CYP7B1: variants seen among roughly 807,000 people sequenced by gnomAD.
The protein encoded by CYP7B1 is cytochrome P450 family 7 subfamily B member 1.
A neutral mutation model predicts 42.7 loss-of-function variants in CYP7B1; 29 were observed. The ratio of observed to expected loss-of-function variants is 0.68; its 90% CI spans 0.51 to 0.93. The LOEUF is 0.93. CYP7B1 is among the 40% of genes least tolerant of loss of function. The pLI, the probability that CYP7B1 is intolerant of heterozygous loss-of-function variation, is 0.00. For missense variants in CYP7B1, 655 were observed against 600.5 expected, an observed-to-expected ratio of 1.09 and a Z score of -0.95; for synonymous variants, 235 against 218.2, an observed-to-expected ratio of 1.08 and a Z score of -0.68.
At chr8:64,693,944 C>A (rs1342428460) in intron 1 of CYP7B1, among the ~76,000 whole-genome samples, 1 of 152,178 alleles carries the variant, frequency 6.6e-6, no homozygotes, top group Non-Finnish European at 1.5e-5. Flanking sequence ...TAAGTAGTGA[C>A]AAGATGATAA....
chr8:64,649,291 T>C (rs937768379), intron 1 of CYP7B1, among the ~76,000 whole-genome samples: 2 of 152,246 alleles, frequency 1.3e-5, no homozygotes, highest in African/African-American at 4.8e-5. Flanking sequence ...ATACATCATA[T>C]GTGTGAAATT....
At chr8:64,770,244 C>A (rs1022051969) in intron 1 of CYP7B1, among the ~76,000 whole-genome samples, 15 of 150,886 alleles carry the variant, frequency 9.9e-5, no homozygotes, top group African/African-American at 3.4e-4. Context: ...CTCTAAATCT[C>A]AAAAAAAAAT....
intron 1 of CYP7B1, among the ~76,000 whole-genome samples, chr8:64,723,880 C>A (rs1807281508): frequency 6.6e-6 from 1 of 152,040 alleles, no homozygotes; most frequent in South Asian, 2.1e-4. Flanking sequence ...TTAAAAGAGT[C>A]TGTTAAAGCT....
chr8:64,677,033 AT>A (rs1806456633), intron 1 of CYP7B1, among the ~76,000 whole-genome samples: 1 of 152,162 alleles, frequency 6.6e-6, no homozygotes, highest in African/African-American at 2.4e-5. Flanking sequence ...GCAACACATT[AT>A]GATGCTAAAA....
chr8:64,660,772 G>A (rs763241951), intron 1 of CYP7B1, among the ~76,000 whole-genome samples: 2 of 152,166 alleles, frequency 1.3e-5, no homozygotes, highest in African/African-American at 2.4e-5. Context: ...TGACTACCAG[G>A]ATAGCCTCAC....
At chr8:64,789,252 T>C (rs1804578967) in intron 1 of CYP7B1, among the ~76,000 whole-genome samples, 1 of 152,176 alleles carries the variant, frequency 6.6e-6, no homozygotes. Context: ...TTTTTAAGCC[T>C]AAACTGCTCT....
At chr8:64,765,596 T>G (rs1283874237) in intron 1 of CYP7B1, among the ~76,000 whole-genome samples, 2 of 152,056 alleles carry the variant, frequency 1.3e-5, no homozygotes, top group Non-Finnish European at 2.9e-5. Flanking sequence ...AGAAAAGGGG[T>G]GCAGGACTGC....
intron 1 of CYP7B1, among the ~76,000 whole-genome samples, chr8:64,736,093 A>G (rs2129633179): frequency 6.6e-6 from 1 of 152,320 alleles, no homozygotes; most frequent in East Asian, 1.9e-4. Flanking sequence ...CTAGAAAAAT[A>G]AATTAATTTA....
chr8:64,596,692 T>C lies in CYP7B1; in HGVS notation c.1471A>G (p.Ile491Val), dbSNP rs1224336893. 3 of 1,613,524 alleles carry C rather than the reference T, an allele frequency of 1.9e-6. No individual in the cohort carries two copies. Among genetic ancestry groups the C allele is most frequent in the Admixed American group, 1.7e-5 (1 of 59,930 alleles). ...AAAACATCAGAATCTGGATACTGAA[T>C]ACCAAACAACAAGCGGCTGTAGTTT... ...GLNYSRLLFG[I>V]QYPDSDVLFR... The change falls in exon 6 of 6, where the codon ATT becomes GTT. Residue 491 changes from isoleucine to valine, a missense_variant. By Grantham distance (29) the Ile-to-Val change is conservative. Transcript: ENST00000310193.
chr8:64,684,981 A>AG (rs1806597795), intron 1 of CYP7B1, among the ~76,000 whole-genome samples: 1 of 152,220 alleles, frequency 6.6e-6, no homozygotes, highest in Non-Finnish European at 1.5e-5. Context: ...CACTGAATGT[A>AG]AAATGGAGCA....
chr8:64,770,019 A>G (rs1244370862), intron 1 of CYP7B1, among the ~76,000 whole-genome samples: 1 of 152,092 alleles, frequency 6.6e-6, no homozygotes, highest in Admixed American at 6.5e-5. Flanking sequence ...TAATAGTCTC[A>G]ATTACATTTG....
intron 1 of CYP7B1, among the ~76,000 whole-genome samples, chr8:64,698,267 C>T (rs750021903): frequency 6.6e-6 from 1 of 152,092 alleles, no homozygotes; most frequent in African/African-American, 2.4e-5. Flanking sequence ...GACCTTTGGT[C>T]TGCAGATCAC....
chr8:64,791,237 G>A (rs978648521), intron 1 of CYP7B1, among the ~76,000 whole-genome samples: 8 of 152,132 alleles, frequency 5.3e-5, no homozygotes, highest in African/African-American at 1.7e-4. Context: ...ACTATTACAG[G>A]TGACTATCAA....
chr8:64,685,683 G>A (rs1361312572), intron 1 of CYP7B1, among the ~76,000 whole-genome samples: 5 of 44,654 alleles, frequency 1.1e-4, no homozygotes, highest in African/African-American at 3.0e-4. Flanking sequence ...TGCCCCGTCT[G>A]AGAAGTGAGG....
intron 1 of CYP7B1, among the ~76,000 whole-genome samples, chr8:64,652,771 G>A (rs1324617359): frequency 3.3e-5 from 5 of 152,300 alleles, no homozygotes; most frequent in East Asian, 1.9e-4. Flanking sequence ...GTGAACCCGG[G>A]AGGCAGAGCT....
At chr8:64,739,254 T>C (rs117075901) in intron 1 of CYP7B1, among the ~76,000 whole-genome samples, 1,877 of 152,316 alleles carry the variant, frequency 0.012, 23 homozygotes, top group Non-Finnish European at 0.02. Flanking sequence ...AAGACTGAGA[T>C]TTAATCATAA....
intron 3 of CYP7B1, 78 bp from the exon 4 acceptor site, chr8:64,615,310 T>C (rs191878063): frequency 3.5e-6 from 5 of 1,426,316 alleles, no homozygotes; most frequent in Non-Finnish European, 4.8e-6. Context: ...AATTAAAAGA[T>C]GTTAGGACAC....
At chr8:64,626,787 A>T (rs915303268) in intron 1 of CYP7B1, among the ~76,000 whole-genome samples, 2 of 152,230 alleles carry the variant, frequency 1.3e-5, no homozygotes, top group Admixed American at 1.3e-4. Context: ...TATTTAAAAG[A>T]ACTCTGATTC....
intron 1 of CYP7B1, among the ~76,000 whole-genome samples, chr8:64,767,300 A>T (rs1220304722): frequency 6.6e-6 from 1 of 151,138 alleles, no homozygotes; most frequent in Admixed American, 6.6e-5. Context: ...AAGAAGTGGC[A>T]GTCTTACACT....
Sources: gnomAD v4.1 joint callset for allele counts (sites outside exome capture counted in the v4.1 genomes callset) on GRCh38, gnomAD v4.1.1 for gene constraint, MANE v1.5 for transcripts, NCBI Gene and HGNC (gene_info 2026-07-23, HGNC 2026-07-21) for gene names.